Variants in KIAA1328 observed in about 807,000 individuals in gnomAD.
KIAA1328 encodes the protein KIAA1328, also known as protein hinderin.
A neutral mutation model predicts 68.1 loss-of-function variants in KIAA1328; 52 were observed. That is an observed-to-expected ratio of 0.76 (90% CI 0.61 to 0.96). The LOEUF is 0.96. KIAA1328 is among the 40% of genes least tolerant of loss of function. The pLI, the probability that KIAA1328 is intolerant of heterozygous loss-of-function variation, is 0.00. For missense variants in KIAA1328, 641 were observed against 677.6 expected (o/e 0.95, Z 0.60); for synonymous variants, 232 against 239.4 (o/e 0.97, Z 0.28).
chr18:36,900,417 C>T (rs538544919), intron 5 of KIAA1328, among the ~76,000 whole-genome samples: 1 of 151,966 alleles, frequency 6.6e-6, no homozygotes, highest in Non-Finnish European at 1.5e-5. Context: ...GTCCCATTTT[C>T]ATTAATGCAT....
chr18:37,149,524 C>T (rs1210039738), intron 7 of KIAA1328, among the ~76,000 whole-genome samples: 2 of 152,038 alleles, frequency 1.3e-5, no homozygotes, highest in African/African-American at 4.8e-5. Context: ...TCCCCAAGAG[C>T]AATTACAACA....
intron 5 of KIAA1328, among the ~76,000 whole-genome samples, chr18:36,899,436 A>G (rs1189649754): frequency 2.6e-5 from 4 of 151,892 alleles, no homozygotes; most frequent in East Asian, 1.9e-4. Flanking sequence ...TCAAGAGAAA[A>G]CTTGCCCGTT....
intron 6 of KIAA1328, among the ~76,000 whole-genome samples, chr18:37,003,010 C>T (rs1270740202): frequency 6.6e-6 from 1 of 152,028 alleles, no homozygotes; most frequent in African/African-American, 2.4e-5. Flanking sequence ...GCACAGAATA[C>T]AGAACCCAGA....
At chr18:37,001,007 C>T (rs1293520793) in intron 6 of KIAA1328, among the ~76,000 whole-genome samples, 1 of 151,678 alleles carries the variant, frequency 6.6e-6, no homozygotes, top group African/African-American at 2.4e-5. Context: ...TAAACCAAAT[C>T]CAAAATTAAC....
intron 6 of KIAA1328, among the ~76,000 whole-genome samples, chr18:36,987,703 A>C (rs111751104): frequency 1.3e-5 from 2 of 152,022 alleles, no homozygotes; most frequent in South Asian, 4.2e-4. Flanking sequence ...GAGATGGTGG[A>C]TATGTTCTTG....
At chr18:36,959,743 C>G (rs998301399) in intron 6 of KIAA1328, among the ~76,000 whole-genome samples, 2 of 152,148 alleles carry the variant, frequency 1.3e-5, no homozygotes, top group Non-Finnish European at 2.9e-5. Context: ...ATCAGGTGGG[C>G]TGTTTGTTAC....
chr18:37,000,271 TTATAATCATAAAAGGATC>T (rs1220348887), intron 6 of KIAA1328, among the ~76,000 whole-genome samples: 15 of 152,098 alleles, frequency 9.9e-5, no homozygotes, highest in Non-Finnish European at 1.0e-4. Flanking sequence ...GAAGGTCTTT[TTATAATCATAAAAGGATC>T]AATGCAGCAA....
At chr18:37,178,999 C>T (rs1476687590) in intron 9 of KIAA1328, among the ~76,000 whole-genome samples, 1 of 152,108 alleles carries the variant, frequency 6.6e-6, no homozygotes, top group Admixed American at 6.6e-5. Context: ...GGATAGTTTG[C>T]AAGTGTTTTC....
At chr18:37,076,535 G>C (rs1204030012) in intron 7 of KIAA1328, among the ~76,000 whole-genome samples, 1 of 151,780 alleles carries the variant, frequency 6.6e-6, no homozygotes, top group African/African-American at 2.4e-5. Context: ...AAAAATTAAT[G>C]AATCCAGGAG....
intron 3 of KIAA1328, among the ~76,000 whole-genome samples, chr18:36,840,496 C>T (rs909836420): frequency 4.7e-5 from 7 of 148,200 alleles, no homozygotes; most frequent in Non-Finnish European, 1.0e-4. Context: ...GGCTCTGTAG[C>T]CCAGGTACAG....
At chr18:37,226,166 C>A (rs991506334), downstream of KIAA1328, among the ~76,000 whole-genome samples, 2 of 152,168 alleles carry the variant, frequency 1.3e-5, no homozygotes, top group African/African-American at 4.8e-5. Flanking sequence ...CCCCTTAACA[C>A]CTCACAAACT....
At chr18:37,133,626 C>T (rs898632825) in intron 7 of KIAA1328, among the ~76,000 whole-genome samples, 7 of 149,416 alleles carry the variant, frequency 4.7e-5, no homozygotes, top group East Asian at 2.1e-4. Context: ...CCCAGGTTCA[C>T]GCCATTCTCC....
intron 7 of KIAA1328, chr18:37,084,163 T>A (rs771719563): frequency 6.6e-6 from 10 of 1,520,204 alleles, no homozygotes; most frequent in Non-Finnish European, 8.8e-6. Flanking sequence ...AGAGAACTGG[T>A]TGCTGAAAAA....
intron 7 of KIAA1328, among the ~76,000 whole-genome samples, chr18:37,082,282 C>T (rs2056974824): frequency 6.6e-6 from 1 of 150,478 alleles, no homozygotes; most frequent in South Asian, 2.1e-4. Context: ...AGCGATTCTC[C>T]TGCCTCAGCC....
intron 4 of KIAA1328, among the ~76,000 whole-genome samples, chr18:36,867,481 G>A (rs760412154): frequency 1.3e-5 from 2 of 152,320 alleles, no homozygotes; most frequent in Non-Finnish European, 2.9e-5. Flanking sequence ...TCATAGCAAC[G>A]CCAGAATGGC....
At chr18:37,111,549 T>C (rs1409197892) in intron 7 of KIAA1328, among the ~76,000 whole-genome samples, 1 of 152,182 alleles carries the variant, frequency 6.6e-6, no homozygotes, top group Middle Eastern at 3.2e-3. Context: ...TAAAAATGAT[T>C]ATTGGAGGTT....
intron 6 of KIAA1328, among the ~76,000 whole-genome samples, chr18:36,968,596 A>G: frequency 6.6e-6 from 1 of 152,194 alleles, no homozygotes; most frequent in East Asian, 1.9e-4. Flanking sequence ...ATTAGCCAAA[A>G]TGTGTTTGCA....
At chr18:37,098,151 C>T (rs2057472961) in intron 7 of KIAA1328, among the ~76,000 whole-genome samples, 1 of 152,154 alleles carries the variant, frequency 6.6e-6, no homozygotes, top group African/African-American at 2.4e-5. Context: ...TGTCTTGTGC[C>T]AGTTTTCAAA....
intron 4 of KIAA1328, among the ~76,000 whole-genome samples, chr18:36,882,597 A>G (rs558779398): frequency 5.9e-4 from 90 of 152,312 alleles, no homozygotes; most frequent in African/African-American, 2.0e-3. Context: ...GGGCTTAATA[A>G]TTGCTAAAGG....
Sources: gnomAD v4.1 joint callset for allele counts (sites outside exome capture counted in the v4.1 genomes callset) on GRCh38, gnomAD v4.1.1 for gene constraint, MANE v1.5 for transcripts, NCBI Gene and HGNC (gene_info 2026-07-23, HGNC 2026-07-21) for gene names.